The following PCDH11X variants were observed in gnomAD, a reference collection of about 807,000 sequenced individuals.
The protein encoded by PCDH11X is protocadherin-11 X-linked.
PCDH11X carries 18 observed loss-of-function variants against 53.3 expected under a neutral mutation model. That is an observed-to-expected ratio of 0.34 (90% CI 0.23 to 0.50). PCDH11X has a LOEUF of 0.50. Ranked by LOEUF, PCDH11X falls within the 20% of genes least tolerant of loss-of-function variation. The pLI is 0.98. For synonymous variants in PCDH11X, 279 were observed against 393.3 expected, an observed-to-expected ratio of 0.71 and a Z score of 3.44; for missense variants, 570 against 1,032.4, an observed-to-expected ratio of 0.55 and a Z score of 6.14.
intron 10 of PCDH11X, among the ~76,000 whole-genome samples, chrX:92,545,383 ATTCCT>A (rs2074829487): frequency 1.1e-5 from 1 of 87,152 alleles, no homozygotes; most frequent in Admixed American, 1.4e-4. Context: ...CGAAGGTTAA[ATTCCT>A]TTTTTTTTTT....
chrX:92,015,694 C>T lies in PCDH11X; in HGVS notation c.3033+136421C>T, dbSNP rs556512230. On this transcript the variant is annotated intron_variant, in intron 6 of 10. Coordinates refer to ENST00000682573, the MANE Select transcript of PCDH11X (RefSeq NM_032968.5). ...TCAAGCTCCACTTGTAAGTCTAGTT[C>T]TTTTGCTACTTCCATAACATCTACA... 2.7e-5 allele frequency among the ~76,000 whole-genome samples: 3 copies of T among 112,003 alleles called. No individual in the cohort carries two copies. In the South Asian group the frequency reaches 1.1e-3, roughly 42 times the overall value.
intron 10 of PCDH11X, among the ~76,000 whole-genome samples, chrX:92,555,160 T>C: frequency 9.0e-6 from 1 of 111,120 alleles, no homozygotes; most frequent in Middle Eastern, 4.7e-3. Flanking sequence ...TTAGAGATCA[T>C]CCAGTTCTAC....
At chrX:92,579,079 C>A (rs975900495) in intron 10 of PCDH11X, among the ~76,000 whole-genome samples, 17 of 103,823 alleles carry the variant, frequency 1.6e-4, no homozygotes, top group African/African-American at 5.3e-4. Flanking sequence ...GGCTCCCAAT[C>A]TTTTCTGGCT....
intron 8 of PCDH11X, among the ~76,000 whole-genome samples, chrX:92,294,539 G>C (rs1198649358): frequency 8.9e-6 from 1 of 112,012 alleles, no homozygotes; most frequent in Non-Finnish European, 1.9e-5. Flanking sequence ...TAATCTCCTT[G>C]AAATATGCTC....
At chrX:91,996,077 G>C (rs1198453609) in intron 6 of PCDH11X, among the ~76,000 whole-genome samples, 3 of 103,992 alleles carry the variant, frequency 2.9e-5, no homozygotes, top group African/African-American at 1.1e-4. Context: ...TCCTGACCTT[G>C]TGATCCGCCC....
At chrX:92,614,658 T>C (rs1453363198) in intron 10 of PCDH11X, among the ~76,000 whole-genome samples, 2 of 107,378 alleles carry the variant, frequency 1.9e-5, no homozygotes, top group African/African-American at 6.8e-5. Flanking sequence ...AAGATTAGCA[T>C]GGCCTGCCTA....
At chrX:92,274,833 C>T (rs183683781) in intron 8 of PCDH11X, among the ~76,000 whole-genome samples, 153 of 109,639 alleles carry the variant, frequency 1.4e-3, no homozygotes, top group African/African-American at 4.5e-3. Flanking sequence ...ATAAATCAAG[C>T]ATGATCAGGG....
At chrX:91,791,789 CAAAGAATAGAGAAGAA>C (rs1388508525) in intron 1 of PCDH11X, among the ~76,000 whole-genome samples, 1 of 99,455 alleles carries the variant, frequency 1.0e-5, no homozygotes, top group Admixed American at 1.1e-4. Context: ...ACTCTATTAT[CAAAGAATAGAGAAGAA>C]AACTTACTCT....
intron 7 of PCDH11X, among the ~76,000 whole-genome samples, chrX:92,221,838 T>C (rs2066885814): frequency 1.0e-5 from 1 of 96,851 alleles, no homozygotes; most frequent in African/African-American, 3.6e-5. Context: ...TTTTCTTAAA[T>C]AGATTTTTTT....
At chrX:92,158,360 AT>A (rs1168781192) in intron 6 of PCDH11X, among the ~76,000 whole-genome samples, 1 of 110,300 alleles carries the variant, frequency 9.1e-6, no homozygotes, top group Non-Finnish European at 1.9e-5. Flanking sequence ...AAATACAAAA[AT>A]TAGCTGGGTG....
intron 8 of PCDH11X, among the ~76,000 whole-genome samples, chrX:92,275,535 T>G (rs1486690409): frequency 9.0e-6 from 1 of 111,091 alleles, no homozygotes; most frequent in Non-Finnish European, 1.9e-5. Context: ...AAAGGAATAG[T>G]AAAGAAAGCA....
At chrX:92,552,921 T>G (rs1256091931) in intron 10 of PCDH11X, among the ~76,000 whole-genome samples, 1 of 109,251 alleles carries the variant, frequency 9.2e-6, no homozygotes, top group African/African-American at 3.3e-5. Context: ...ATTGTGTTTT[T>G]GAATTTGGTT....
chrX:91,982,163 CT>C (rs2062149912), intron 6 of PCDH11X, among the ~76,000 whole-genome samples: 1 of 110,496 alleles, frequency 9.1e-6, no homozygotes, highest in African/African-American at 3.3e-5. Context: ...CCCTGCAGAC[CT>C]TTTGGTGTAA....
intron 7 of PCDH11X, among the ~76,000 whole-genome samples, chrX:92,250,026 C>T (rs1051544129): frequency 5.4e-5 from 6 of 110,953 alleles, no homozygotes; most frequent in African/African-American, 1.3e-4. Context: ...AATTGTCATT[C>T]GCTCTAACGG....
intron 6 of PCDH11X, among the ~76,000 whole-genome samples, chrX:92,008,675 G>T (rs1457514450): frequency 9.4e-6 from 1 of 106,832 alleles, no homozygotes; most frequent in East Asian, 2.9e-4. Flanking sequence ...TGGTGTCCTT[G>T]CTGGGGGGCA....
chrX:92,082,045 T>C (rs2063865254), intron 6 of PCDH11X, among the ~76,000 whole-genome samples: 1 of 110,787 alleles, frequency 9.0e-6, no homozygotes, highest in Non-Finnish European at 1.9e-5. Context: ...ATGGGGAAAC[T>C]GAGACTTAGA....
chrX:92,440,536 A>T (rs2072490799), intron 9 of PCDH11X, among the ~76,000 whole-genome samples: 1 of 108,205 alleles, frequency 9.2e-6, no homozygotes, highest in African/African-American at 3.4e-5. Context: ...ATAGTGGGTA[A>T]GTCTCATGAG....
chrX:92,455,842 A>C (rs1379027419), intron 9 of PCDH11X, among the ~76,000 whole-genome samples: 1 of 93,946 alleles, frequency 1.1e-5, no homozygotes, highest in Non-Finnish European at 2.1e-5. Context: ...TTGACACTTG[A>C]AATTCTCGTA....
intron 6 of PCDH11X, among the ~76,000 whole-genome samples, chrX:91,995,241 CA>C (rs369052107): frequency 0.018 from 1,715 of 95,654 alleles, 39 homozygotes; most frequent in African/African-American, 0.058. Flanking sequence ...AAAAAACAAA[CA>C]AAAAAAAAAA....
Sources: allele counts gnomAD v4.1 joint callset (sites outside exome capture counted in the v4.1 genomes callset), GRCh38; gene constraint gnomAD v4.1.1; transcripts MANE v1.5; gene names NCBI Gene and HGNC (gene_info 2026-07-23, HGNC 2026-07-21).